Variants in DERL2 observed in about 807,000 individuals in gnomAD.
The protein encoded by DERL2 is derlin 2, also known as derlin-2.
In DERL2, 13 loss-of-function variants were observed where a neutral mutation model predicts 32.0. That is an observed-to-expected ratio of 0.41 (90% CI 0.26 to 0.65). DERL2 has a LOEUF of 0.65. DERL2 is among the 30% of genes least tolerant of loss of function. The probability of loss-of-function intolerance (pLI) is 0.35; values close to 1 mark genes in which losing one functional copy is unlikely to be tolerated. For missense variants in DERL2, 208 were observed against 296.3 expected (o/e 0.70, Z 2.19); for synonymous variants, 111 against 104.7 (o/e 1.06, Z -0.37).
chr17:5,479,773 C>G (rs530854147), intron 6 of DERL2, among the ~76,000 whole-genome samples: 1 of 152,322 alleles, frequency 6.6e-6, no homozygotes, highest in African/African-American at 2.4e-5. Context: ...ATAAAACCAG[C>G]AGGCTCCTAC....
chr17:5,482,610 G>C (rs1487525567), intron 3 of DERL2, 199 bp downstream of exon 3: 1 of 453,094 alleles, frequency 2.2e-6, no homozygotes, highest in African/African-American at 2.1e-5. Context: ...TCTTTTTATG[G>C]TTAAAACCTC....
chr17:5,485,093 A>C, intron 2 of DERL2, 58 bp downstream of exon 2: 1 of 1,276,810 alleles, frequency 7.8e-7, no homozygotes, highest in Admixed American at 2.4e-5. Context: ...ATTTGCTACT[A>C]AACAGTAAGA....
intron 6 of DERL2, 122 bp downstream of exon 6, chr17:5,479,932 T>C (rs2151704533): frequency 1.6e-6 from 1 of 627,128 alleles, no homozygotes; most frequent in Non-Finnish European, 2.8e-6. Context: ...GAATGCTCAA[T>C]CTGCAAATGG....
At position 5,480,379 on chromosome 17, in the gene DERL2, A is replaced by G; in HGVS notation, c.523+8T>C. ...AAATAATTTAAAAAATAGTGAGAAG[A>G]GCCTTACCCAAAAGGTCCACAATGA... On this transcript the variant is annotated splice_region_variant and intron_variant, in intron 5 of 6. Transcript: ENST00000158771. The G allele has an allele frequency of 1.2e-6, 2 of 1,604,218 alleles. No homozygotes were observed. Among genetic ancestry groups the G allele is most frequent in the Non-Finnish European group, 1.7e-6 (2 of 1,177,216 alleles).
upstream of DERL2, chr17:5,486,197 C>A (rs1006418797): frequency 5.7e-6 from 7 of 1,231,256 alleles, no homozygotes; most frequent in Non-Finnish European, 6.4e-6. Context: ...CCCCACCCAC[C>A]CCATTTCCCC....
At chr17:5,482,735 G>T in intron 3 of DERL2, 74 bp downstream of exon 3, 1 of 837,532 alleles carries the variant, frequency 1.2e-6, no homozygotes, top group Non-Finnish European at 1.9e-6. Context: ...CAAGTAACAG[G>T]ATGAAAAGTT....
At position 5,485,165 on chromosome 17, in the gene DERL2, A is replaced by G; in HGVS notation, c.145T>C (p.Phe49Leu). The G allele has an allele frequency of 6.3e-7, 1 of 1,588,436 alleles. No homozygotes were observed. The highest frequency in any genetic ancestry group is 8.6e-7 in the Non-Finnish European group (1 of 1,168,402). Residue 49 changes from phenylalanine to leucine, a missense_variant, in exon 2 of 7, where the codon TTT becomes CTT. Coordinates refer to ENST00000158771, the MANE Select transcript of DERL2 (RefSeq NM_016041.5). ...FQLYFNPELIFKHFQIWRLIT... is the reference protein window; with the variant it reads ...FQLYFNPELILKHFQIWRLIT... ...GAACCACTTACTTGAAAGTGTTTAAAGATTAATTCAGGATTGAAGTACAAC... is the reference window on the plus strand; with the variant it reads ...GAACCACTTACTTGAAAGTGTTTAAGGATTAATTCAGGATTGAAGTACAAC...
chr17:5,481,297 G>A lies in DERL2; in HGVS notation c.326C>T (p.Thr109Ile). 1 of 1,610,672 alleles carries A rather than the reference G, an allele frequency of 6.2e-7. No homozygotes were observed. The highest frequency in any genetic ancestry group is 8.5e-7 in the Non-Finnish European group (1 of 1,176,808). Residue 109 changes from threonine (T) to isoleucine (I), a missense_variant and splice_region_variant, in exon 4 of 7, where the codon ACC becomes ATC. Thr to Ile is a moderately conservative substitution (Grantham distance 89). Coordinates refer to ENST00000158771, the MANE Select transcript of DERL2 (RefSeq NM_016041.5). This position sits in a 1 kb window ranked among gnomAD's most constrained non-coding sequence, Gnocchi z 4.4. ...CCCGTGTTGTTTGTTGAAGGATACGGTCATTAAGAATCCACCAAAAAGGAA... is the reference window on the plus strand; with the variant it reads ...CCCGTGTTGTTTGTTGAAGGATACGATCATTAAGAATCCACCAAAAAGGAA... ...FMFLFGGFLM[T>I]LFGLFVSLVF... is the part of the protein sequence containing the mutation.
chr17:5,479,190 G>A (rs1338662551), intron 6 of DERL2, among the ~76,000 whole-genome samples: 1 of 152,190 alleles, frequency 6.6e-6, no homozygotes, highest in Non-Finnish European at 1.5e-5. Context: ...CAATCATAGT[G>A]TATGCAGCCT....
At chr17:5,476,106 C>T (rs990244418) in intron 6 of DERL2, among the ~76,000 whole-genome samples, 1 of 152,048 alleles carries the variant, frequency 6.6e-6, no homozygotes, top group Non-Finnish European at 1.5e-5. Flanking sequence ...AACAAGGTAT[C>T]CCAAGAAAAA....
intron 2 of DERL2, among the ~76,000 whole-genome samples, chr17:5,483,181 G>A (rs906488841): frequency 3.9e-5 from 6 of 151,918 alleles, no homozygotes; most frequent in Non-Finnish European, 7.4e-5. Flanking sequence ...TAGGTTAATC[G>A]GCAGAACAGA....
chr17:5,479,523 A>AAGAAAG (rs1905630878), intron 6 of DERL2, among the ~76,000 whole-genome samples: 3 of 142,006 alleles, frequency 2.1e-5, no homozygotes, highest in African/African-American at 8.1e-5. Context: ...AAAAAAAAAA[A>AAGAAAG]AAAGAAAGAA....
chr17:5,481,469 T>C lies in DERL2; in HGVS notation c.234-80A>G. 1 of 938,752 alleles carries C rather than the reference T, an allele frequency of 1.1e-6. No homozygotes were observed. The highest frequency in any genetic ancestry group is 1.7e-6 in the Non-Finnish European group (1 of 586,402). The allele number at this position is 938,752 out of a possible 1,614,324, so 58.2% of individuals were successfully genotyped here. A position where few individuals can be genotyped will look rare whatever the true frequency, so the allele number is the denominator to read the frequency against. ...TTTAATGTTATCTTGTAAGTACACT[T>C]GGATTCCATATTATTTGTAATTAGT... On this transcript the variant is annotated intron_variant, in intron 3 of 6. Transcript: ENST00000158771. The surrounding 1 kb of genome is among the most constrained non-coding windows in gnomAD (Gnocchi z 4.4).
intron 6 of DERL2, among the ~76,000 whole-genome samples, chr17:5,477,513 A>C (rs1905472479): frequency 6.6e-6 from 1 of 152,236 alleles, no homozygotes; most frequent in African/African-American, 2.4e-5. Flanking sequence ...CTAGTTACTG[A>C]TATGCACACT....
rs529941382 is a variant in DERL2 at position 5,471,782 on chromosome 17, T to A, written c.*2902A>T. 1 of 152,264 alleles carries A rather than the reference T, an allele frequency of 6.6e-6. No homozygotes were observed. The highest frequency in any genetic ancestry group is 2.1e-4 in the South Asian group (1 of 4,816). The allele number at this position is 152,264 out of a possible 1,614,324, so 9.4% of individuals were successfully genotyped here. ...CAGAAAATAATGGCAGGATCATGAC[T>A]AACAACATAGCTGGAACTCACCTGT... On this transcript the variant is annotated 3_prime_UTR_variant, in exon 7 of 7. Transcript: ENST00000158771.
At chr17:5,479,997 T>C (rs888008645) in intron 6 of DERL2, 57 bp downstream of exon 6, 8 of 1,102,524 alleles carry the variant, frequency 7.3e-6, no homozygotes, top group Non-Finnish European at 1.1e-5. Context: ...AAAACACAGA[T>C]CATGCCCCTG....
Position 5,477,083 on chromosome 17 carries a change from AT to A in DERL2, c.615-2295del, listed in dbSNP as rs1905440593. ...GGGTAATTAGGTAGGTAAAACATTAATCATAATAAGAATCAGGTTAGGACAG... is the reference window on the plus strand; with the variant it reads ...GGGTAATTAGGTAGGTAAAACATTAACATAATAAGAATCAGGTTAGGACAG... On this transcript the variant is annotated intron_variant, in intron 6 of 6. Transcript: ENST00000158771. Among the ~76,000 whole-genome samples the A allele has an allele frequency of 2.0e-5, 3 of 152,332 alleles. No homozygotes were observed. In the South Asian group the frequency reaches 6.2e-4, roughly 32 times the overall value.
At position 5,472,961 on chromosome 17, in the gene DERL2, T is replaced by C. The variant is rs2151697699; in HGVS notation, c.*1723A>G. The C allele has an allele frequency of 6.6e-6, 1 of 152,294 alleles. No homozygotes were observed. The highest frequency in any genetic ancestry group is 1.9e-4 in the East Asian group (1 of 5,192). 9.4% of individuals were successfully genotyped at this position (152,294 alleles called of 1,614,324 possible). Reference sequence around the variant, plus strand: ...TCCCATAGACCCAGGTTCCATAAAATTGCAACAATCATATTCAAAGTTATT... The same window carrying C: ...TCCCATAGACCCAGGTTCCATAAAACTGCAACAATCATATTCAAAGTTATT... On this transcript the variant is annotated 3_prime_UTR_variant, in exon 7 of 7. Transcript: ENST00000158771.
intron 2 of DERL2, among the ~76,000 whole-genome samples, chr17:5,483,661 G>C (rs750001564): frequency 6.6e-6 from 1 of 152,182 alleles, no homozygotes; most frequent in Non-Finnish European, 1.5e-5. Context: ...TGACTGACTA[G>C]CTGAATACTA....
Sources: gnomAD v4.1 joint callset for allele counts (sites outside exome capture counted in the v4.1 genomes callset) on GRCh38, gnomAD v4.1.1 for gene constraint, Gnocchi (gnomAD v3.1) non-coding constraint, MANE v1.5 for transcripts, NCBI Gene and HGNC (gene_info 2026-07-23, HGNC 2026-07-21) for gene names.